BCAS3: variants seen among roughly 807,000 people sequenced by gnomAD.
BCAS3 encodes the protein BCAS4/BCAS3 fusion.
A neutral mutation model predicts 116.1 loss-of-function variants in BCAS3; 53 were observed. The observed-to-expected ratio is 0.46, with a 90% CI of 0.37 to 0.57. The LOEUF is 0.57. Among genes scored for constraint, BCAS3 ranks in the 20% least tolerant of loss-of-function variants. The pLI is 0.00. For missense variants in BCAS3, 917 were observed against 1,165.4 expected (o/e 0.79, Z 3.10); for synonymous variants, 391 against 408.2 (o/e 0.96, Z 0.51).
At position 61,354,412 on chromosome 17, in the gene BCAS3, C is replaced by G. The variant is rs551321290; in HGVS notation, c.2426-13915C>G. ...GGGAACATCCAGGCCTTCACACTCA[C>G]GCTCAGCCCATCACCCCTCTGTGCA... is the stretch of plus-strand genomic sequence containing the variant. On this transcript the variant is annotated intron_variant, in intron 22 of 23. Coordinates refer to ENST00000407086, the MANE Select transcript of BCAS3 (RefSeq NM_017679.5). This position sits in a 1 kb window ranked among gnomAD's most constrained non-coding sequence, Gnocchi z 4.5. 2 of 152,362 alleles carry G rather than the reference C, an allele frequency of 1.3e-5. No homozygotes were observed. The highest frequency in any genetic ancestry group is 1.5e-5 in the Non-Finnish European group (1 of 68,044). 9.4% of individuals were successfully genotyped at this position (152,362 alleles called of 1,614,324 possible).
At chr17:61,158,527 G>C (rs1323161505) in intron 22 of BCAS3, among the ~76,000 whole-genome samples, 1 of 152,114 alleles carries the variant, frequency 6.6e-6, no homozygotes, top group Non-Finnish European at 1.5e-5. Context: ...TTTTGGTAGT[G>C]AATCTTTAAC....
chr17:61,117,251 G>A (rs960860232), intron 22 of BCAS3, among the ~76,000 whole-genome samples: 2 of 152,074 alleles, frequency 1.3e-5, no homozygotes, highest in African/African-American at 2.4e-5. Flanking sequence ...GTTACTGAAC[G>A]CATCCACTTA....
rs2144116146 is a variant in BCAS3, at chr17:61,171,171, G to T, written c.2425+86607G>T. ...AATCAGTGATAAAGAGAAAAATGTTGTAAGGTTCTTACACTGTACATGAAG... is the reference window on the plus strand; with the variant it reads ...AATCAGTGATAAAGAGAAAAATGTTTTAAGGTTCTTACACTGTACATGAAG... On this transcript the variant is annotated intron_variant, in intron 22 of 23. Transcript: ENST00000407086. The surrounding 1 kb of genome is among the most constrained non-coding windows in gnomAD (Gnocchi z 4.1). Among the ~76,000 whole-genome samples the T allele has an allele frequency of 6.6e-6, 1 of 152,218 alleles. No homozygotes were observed. Among genetic ancestry groups the T allele is most frequent in the East Asian group, 1.9e-4 (1 of 5,174 alleles).
Position 61,188,556 on chromosome 17 carries a change from T to C in BCAS3, c.2425+103992T>C, listed in dbSNP as rs940464939. ...TATTTTACTTACCTTTAAACAACTT[T>C]ATTGTTATTGGTGATTCTCTTTCTT... is the stretch of plus-strand genomic sequence containing the variant. On this transcript the variant is annotated intron_variant, in intron 22 of 23. Transcript: ENST00000407086. This position sits in a 1 kb window ranked among gnomAD's most constrained non-coding sequence, Gnocchi z 4.0. 3.3e-5 allele frequency among the ~76,000 whole-genome samples: 5 copies of C among 152,232 alleles called. No individual in the cohort carries two copies. The highest frequency in any genetic ancestry group is 1.2e-4 in the African/African-American group (5 of 41,466).
At chr17:60,757,647 A>G (rs1035573751) in intron 6 of BCAS3, among the ~76,000 whole-genome samples, 1 of 151,636 alleles carries the variant, frequency 6.6e-6, no homozygotes, top group Non-Finnish European at 1.5e-5. Flanking sequence ...TTCTTTGTAT[A>G]CTCTGGATAT....
chr17:60,939,343 G>T (rs2060107491), intron 13 of BCAS3, among the ~76,000 whole-genome samples: 1 of 152,086 alleles, frequency 6.6e-6, no homozygotes, highest in Admixed American at 6.5e-5. Flanking sequence ...TGAGACAGGA[G>T]AATCACTTGA....
At chr17:60,709,132 G>A in intron 4 of BCAS3, 87 bp from the exon 5 acceptor site, 2 of 660,942 alleles carry the variant, frequency 3.0e-6, no homozygotes, top group Non-Finnish European at 5.3e-6. Context: ...TGTAAAGATT[G>A]AATCAGGCAT....
chr17:61,163,684 A>C (rs1413688258), intron 22 of BCAS3, among the ~76,000 whole-genome samples: 2 of 151,792 alleles, frequency 1.3e-5, no homozygotes, highest in African/African-American at 4.8e-5. Context: ...TCAAACAAAC[A>C]AATTTTTTAA....
rs113126338 is a variant in BCAS3 at position 61,144,658 on chromosome 17, A to G, written c.2425+60094A>G. Among the ~76,000 whole-genome samples the G allele has an allele frequency of 2.4e-3, 359 of 152,330 alleles. 1 individual carries two copies. Among genetic ancestry groups the G allele is most frequent in the African/African-American group, 8.3e-3 (344 of 41,586 alleles). ...AAAAAAGTAGTCATTTAACAATACA[A>G]TATTTCTCTCGTGTTCTTGAGCATG... is the stretch of plus-strand genomic sequence containing the variant. On this transcript the variant is annotated intron_variant, in intron 22 of 23. Coordinates refer to ENST00000407086, the MANE Select transcript of BCAS3 (RefSeq NM_017679.5). The surrounding 1 kb of genome is among the most constrained non-coding windows in gnomAD (Gnocchi z 5.0).
Position 61,392,096 on chromosome 17 carries a change from C to T in BCAS3, c.2713C>T (p.Leu905Phe), listed in dbSNP as rs753205992. 6.2e-7 allele frequency: 1 copy of T among 1,613,816 alleles called. No homozygotes were observed. The change falls in exon 24 of 24, where the codon CTC becomes TTC. Residue 905 changes from leucine to phenylalanine, a missense_variant. This residue lies in a region of BCAS3 where 109 missense variants were observed against 122.8 expected (regional missense o/e 0.89). Coordinates refer to ENST00000407086, the MANE Select transcript of BCAS3 (RefSeq NM_017679.5). This position sits in a 1 kb window ranked among gnomAD's most constrained non-coding sequence, Gnocchi z 6.4. ...SPLPTNESQP[L>F]SLFPTGFP ...GCTGCCCACCAATGAGAGCCAGCCCCTCAGCCTCTTCCCGACTGGCTTCCC... is the reference window on the plus strand; with the variant it reads ...GCTGCCCACCAATGAGAGCCAGCCCTTCAGCCTCTTCCCGACTGGCTTCCC...
At chr17:61,299,338 G>A (rs529489725) in intron 22 of BCAS3, among the ~76,000 whole-genome samples, 111 of 151,356 alleles carry the variant, frequency 7.3e-4, no homozygotes, top group Middle Eastern at 3.4e-3. Flanking sequence ...AGCTACTTGG[G>A]AGTCTGGGGC....
At chr17:60,904,686 A>T (rs76761753) in intron 11 of BCAS3, among the ~76,000 whole-genome samples, 4,315 of 152,238 alleles carry the variant, frequency 0.028, 227 homozygotes, top group African/African-American at 0.099. Flanking sequence ...TTTAAAAATT[A>T]TCTGAGTGTG....
rs762475699 is a variant in BCAS3, at chr17:61,333,129, C to T, written c.2426-35198C>T. ...GTGCTTTCTCCCTGGACCCCACTCA[C>T]ACCTATTTCTGGACCTTTATTGGCA... is the stretch of plus-strand genomic sequence containing the variant. On this transcript the variant is annotated intron_variant, in intron 22 of 23. Transcript: ENST00000407086. The surrounding 1 kb of genome is among the most constrained non-coding windows in gnomAD (Gnocchi z 4.8). 6.6e-6 allele frequency among the ~76,000 whole-genome samples: 1 copy of T among 152,236 alleles called. No individual in the cohort carries two copies. The highest frequency in any genetic ancestry group is 1.5e-5 in the Non-Finnish European group (1 of 68,042).
intron 9 of BCAS3, chr17:60,886,249 C>G (rs1342638450): frequency 9.8e-5 from 14 of 142,296 alleles, no homozygotes; most frequent in African/African-American, 3.7e-4. Flanking sequence ...GCTCCTGAGG[C>G]TTCTGCATTC....
chr17:61,247,550 C>T (rs1318760267), intron 22 of BCAS3, among the ~76,000 whole-genome samples: 1 of 152,152 alleles, frequency 6.6e-6, no homozygotes, highest in Admixed American at 6.5e-5. Flanking sequence ...TTATCCTTGA[C>T]TCCATGAAAT....
At chr17:61,331,160 T>C (rs1424641593) in intron 22 of BCAS3, among the ~76,000 whole-genome samples, 1 of 151,796 alleles carries the variant, frequency 6.6e-6, no homozygotes, top group Non-Finnish European at 1.5e-5. Context: ...GATGAAACAG[T>C]AGCAGCCCTA....
chr17:60,983,246 T>C (rs1423177500), intron 14 of BCAS3, among the ~76,000 whole-genome samples: 1 of 152,180 alleles, frequency 6.6e-6, no homozygotes, highest in Admixed American at 6.5e-5. Context: ...GATGAGAATA[T>C]GTTAATTACA....
At chr17:60,717,613 T>C (rs962995428) in intron 5 of BCAS3, among the ~76,000 whole-genome samples, 7 of 152,188 alleles carry the variant, frequency 4.6e-5, no homozygotes, top group Non-Finnish European at 8.8e-5. Context: ...GAGTTAGCAG[T>C]TGGCTAGGGC....
At position 61,374,025 on chromosome 17, in the gene BCAS3, A is replaced by T. The variant is rs560946082; in HGVS notation, c.2593+5531A>T. Reference sequence around the variant, plus strand: ...GAGACGGAGTTTCACCATGTTAGCCAGGCTGGTCTCAAACTCCTGGCCTCA... The same window carrying T: ...GAGACGGAGTTTCACCATGTTAGCCTGGCTGGTCTCAAACTCCTGGCCTCA... On this transcript the variant is annotated intron_variant, in intron 23 of 23. Coordinates refer to ENST00000407086, the MANE Select transcript of BCAS3 (RefSeq NM_017679.5). 6.0e-5 allele frequency among the ~76,000 whole-genome samples: 9 copies of T among 151,228 alleles called. No homozygotes were observed. In the East Asian group the frequency reaches 1.8e-3, roughly 30 times the overall value.
Sources: allele counts gnomAD v4.1 joint callset (sites outside exome capture counted in the v4.1 genomes callset), GRCh38; gene constraint gnomAD v4.1.1; regional missense constraint gnomAD v4.1.1; non-coding constraint Gnocchi (gnomAD v3.1); transcripts MANE v1.5; gene names NCBI Gene and HGNC (gene_info 2026-07-23, HGNC 2026-07-21).